The following GRHL2 variants were observed in gnomAD, a reference collection of about 807,000 sequenced individuals.
GRHL2 encodes grainyhead like transcription factor 2, also known as grainyhead-like protein 2 homolog.
GRHL2 carries 21 observed loss-of-function variants against 83.8 expected under a neutral mutation model. The ratio of observed to expected loss-of-function variants is 0.25; its 90% confidence interval spans 0.18 to 0.36. The LOEUF (loss-of-function observed/expected upper bound fraction) is 0.36, where lower values mean the gene tolerates loss of function less well. GRHL2 is among the 10% of genes least tolerant of loss of function. The pLI, the probability that GRHL2 is intolerant of heterozygous loss-of-function variation, is 1.00. For missense variants in GRHL2, 623 were observed against 781.8 expected, an observed-to-expected ratio of 0.80 and a Z score of 2.42; for synonymous variants, 280 against 278.9, an observed-to-expected ratio of 1.00 and a Z score of -0.04.
intron 3 of GRHL2, among the ~76,000 whole-genome samples, chr8:101,557,212 G>A (rs1246668781): frequency 1.4e-5 from 2 of 142,464 alleles, no homozygotes; most frequent in African/African-American, 5.2e-5. Flanking sequence ...ACCCCTAACT[G>A]AATTAACAAT....
chr8:101,577,286 C>T, intron 6 of GRHL2, 122 bp from the exon 7 acceptor site: 1 of 720,710 alleles, frequency 1.4e-6, no homozygotes, highest in Admixed American at 2.0e-5. Context: ...CTTGTCTGGG[C>T]TTTTCTAAAG....
At chr8:101,634,980 G>A (rs1039064042) in intron 11 of GRHL2, among the ~76,000 whole-genome samples, 1 of 152,146 alleles carries the variant, frequency 6.6e-6, no homozygotes, top group Admixed American at 6.5e-5. Context: ...GAGATTAGGC[G>A]AGATTGGGAA....
intron 1 of GRHL2, among the ~76,000 whole-genome samples, chr8:101,521,291 C>T (rs566378874): frequency 4.6e-5 from 7 of 152,268 alleles, no homozygotes; most frequent in African/African-American, 9.6e-5. Flanking sequence ...AAGAATGTGC[C>T]GCTTTGGTAG....
At chr8:101,631,028 C>T (rs1813175816) in intron 9 of GRHL2, among the ~76,000 whole-genome samples, 1 of 152,078 alleles carries the variant, frequency 6.6e-6, no homozygotes, top group Non-Finnish European at 1.5e-5. Flanking sequence ...ATAGACTAAA[C>T]ATTTTTCTAT....
chr8:101,679,683 A>G, the GRHL2 span, among the ~76,000 whole-genome samples: 1 of 151,710 alleles, frequency 6.6e-6, no homozygotes, highest in South Asian at 2.1e-4. Flanking sequence ...GAACAAGGTC[A>G]GGTTACCCTC....
At chr8:101,592,574 A>C (rs1812310151) in intron 7 of GRHL2, among the ~76,000 whole-genome samples, 1 of 152,206 alleles carries the variant, frequency 6.6e-6, no homozygotes, top group South Asian at 2.1e-4. Flanking sequence ...TAGAAATGCA[A>C]ATTCTTGGCC....
intron 1 of GRHL2, among the ~76,000 whole-genome samples, chr8:101,495,807 T>C (rs1447262787): frequency 6.6e-6 from 1 of 152,106 alleles, no homozygotes; most frequent in Non-Finnish European, 1.5e-5. Context: ...ATAAACACAA[T>C]GCTTAATAGT....
the GRHL2 span, among the ~76,000 whole-genome samples, chr8:101,675,610 A>G: frequency 1.3e-5 from 2 of 152,162 alleles, no homozygotes; most frequent in East Asian, 1.9e-4. Flanking sequence ...GGAAGAATCA[A>G]TATCGTGAAA....
chr8:101,517,401 C>T (rs956767096), intron 1 of GRHL2, among the ~76,000 whole-genome samples: 5 of 152,130 alleles, frequency 3.3e-5, no homozygotes, highest in Non-Finnish European at 7.3e-5. Flanking sequence ...GGACCAGTAC[C>T]CCCAGGACAA....
intron 7 of GRHL2, among the ~76,000 whole-genome samples, chr8:101,579,510 T>G (rs1376625727): frequency 6.6e-6 from 1 of 152,208 alleles, no homozygotes; most frequent in Non-Finnish European, 1.5e-5. Flanking sequence ...GCTTCATGGG[T>G]AGCTGGGCTA....
intron 7 of GRHL2, among the ~76,000 whole-genome samples, chr8:101,583,080 C>T (rs558290080): frequency 3.9e-5 from 6 of 152,244 alleles, no homozygotes; most frequent in Admixed American, 1.3e-4. Context: ...GGAGAATGTG[C>T]GGAAGTAATA....
intron 13 of GRHL2, among the ~76,000 whole-genome samples, chr8:101,648,145 A>G (rs1813550872): frequency 6.6e-6 from 1 of 152,140 alleles, no homozygotes; most frequent in African/African-American, 2.4e-5. Flanking sequence ...TCTGAATGAC[A>G]GTTCCAAGTT....
chr8:101,599,106 A>T lies in GRHL2; in HGVS notation c.1053A>T (p.Ala351=), dbSNP rs1274996909. 1 of 1,613,760 alleles carries T rather than the reference A, an allele frequency of 6.2e-7. No individual in the cohort carries two copies. The highest frequency in any genetic ancestry group is 1.7e-5 in the Admixed American group (1 of 60,026). ...CGATTGGAAACATTGAAGAGATTGC[A>T]TATAATGCTGTTTCCTTTACCTGGG... ...FNTIGNIEEI[A]YNAVSFTWDV... Residue 351 remains alanine, a synonymous_variant, in exon 8 of 16, where the codon GCA becomes GCT. Transcript: ENST00000646743.
intron 8 of GRHL2, among the ~76,000 whole-genome samples, chr8:101,603,183 A>G (rs1247970001): frequency 1.3e-5 from 2 of 152,216 alleles, no homozygotes; most frequent in Non-Finnish European, 2.9e-5. Flanking sequence ...CAAGTTTTAT[A>G]TATCATCTTT....
chr8:101,492,681 C>A lies in GRHL2; in HGVS notation c.-89C>A. On this transcript the variant is annotated 5_prime_UTR_variant, in exon 1 of 16. Transcript: ENST00000646743. The stretch of plus-strand genomic sequence containing the variant: ...CTTGTTCTGCCATCTCGGGCGCTCT[C>A]ACACACCTTCACCTGCACAGACTTG... 2 of 1,177,580 alleles carry A rather than the reference C, an allele frequency of 1.7e-6. No homozygotes were observed. The highest frequency in any genetic ancestry group is 2.6e-6 in the Non-Finnish European group (2 of 780,802). The allele number at this position is 1,177,580 out of a possible 1,614,324, so 72.9% of individuals were successfully genotyped here.
rs1259034552 is a variant in GRHL2 at position 101,597,891 on chromosome 8, A to C, written c.1004-1166A>C. Among the ~76,000 whole-genome samples the C allele has an allele frequency of 2.0e-5, 3 of 152,198 alleles. No individual in the cohort carries two copies. The South Asian group carries it at 6.2e-4, about 32-fold the overall frequency. ...ACGAGCAGTGAGGTTAGATCCGAAAAGGTCTGTAGTCTGGATTGCCAGATG... is the reference window on the plus strand; with the variant it reads ...ACGAGCAGTGAGGTTAGATCCGAAACGGTCTGTAGTCTGGATTGCCAGATG... On this transcript the variant is annotated intron_variant, in intron 7 of 15. Transcript: ENST00000646743.
At chr8:101,508,299 G>T (rs1017848355) in intron 1 of GRHL2, among the ~76,000 whole-genome samples, 6 of 151,466 alleles carry the variant, frequency 4.0e-5, no homozygotes, top group African/African-American at 1.5e-4. Context: ...CTCTAACAAT[G>T]CATATTATAA....
chr8:101,666,896 C>T lies in GRHL2; in HGVS notation c.*193C>T, dbSNP rs539921975. On this transcript the variant is annotated 3_prime_UTR_variant, in exon 16 of 16. Coordinates refer to ENST00000646743, the MANE Select transcript of GRHL2 (RefSeq NM_024915.4). ...TTGGCCCATCCACTGGCACCTACCA[C>T]GGAGCTGAAGCCTGAGCCCCTCAGG... 1.3e-4 allele frequency: 84 copies of T among 645,838 alleles called. No homozygotes were observed. The highest frequency in any genetic ancestry group is 3.6e-4 in the Admixed American group (16 of 43,840). The allele number at this position is 645,838 out of a possible 1,614,324, so 40.0% of individuals were successfully genotyped here.
Position 101,553,468 on chromosome 8 carries a change from T to C in GRHL2, c.284+686T>C, listed in dbSNP as rs143896991. ...GTCCTGACTTAGGTAAGTGTACCCA[T>C]TCAGTCCCAGGCATGACTTTGTACC... On this transcript the variant is annotated intron_variant, in intron 3 of 15. Coordinates refer to ENST00000646743, the MANE Select transcript of GRHL2 (RefSeq NM_024915.4). Among the ~76,000 whole-genome samples the C allele has an allele frequency of 3.3e-5, 5 of 152,304 alleles. No homozygotes were observed. In the East Asian group the frequency reaches 9.7e-4, roughly 29 times the overall value.
Sources: gnomAD v4.1 joint callset for allele counts (sites outside exome capture counted in the v4.1 genomes callset) on GRCh38, gnomAD v4.1.1 for gene constraint, MANE v1.5 for transcripts, NCBI Gene and HGNC (gene_info 2026-07-23, HGNC 2026-07-21) for gene names.